EPHB2: variants seen among roughly 807,000 people sequenced by gnomAD.
The protein encoded by EPHB2 is ephrin type-B receptor 2.
EPHB2 carries 18 observed loss-of-function variants against 96.4 expected under a neutral mutation model. That is an observed-to-expected ratio of 0.19 (90% confidence interval 0.13 to 0.28). EPHB2 has a LOEUF of 0.28. Among genes scored for constraint, EPHB2 ranks in the 10% least tolerant of loss-of-function variants. EPHB2 has a pLI of 1.00. For missense variants in EPHB2, 989 were observed against 1,355.4 expected (o/e 0.73, Z 4.25); for synonymous variants, 506 against 534.1 (o/e 0.95, Z 0.72).
rs138384285 is a variant in EPHB2 at position 22,861,490 on chromosome 1, A to C, written c.812-1547A>C. Among the ~76,000 whole-genome samples the C allele has an allele frequency of 4.1e-3, 626 of 152,286 alleles. 2 individuals are homozygous for C. Among genetic ancestry groups the C allele is most frequent in the Middle Eastern group, 0.024 (7 of 294 alleles). On this transcript the variant is annotated intron_variant, in intron 3 of 15. Coordinates refer to ENST00000374630, the MANE Select transcript of EPHB2 (RefSeq NM_017449.5). ...CCCCATCTCTACAAAAATAAAAATA[A>C]AATTAATAACAACAACAAAAGAAGT...
Position 22,784,726 on chromosome 1 carries a change from G to A in EPHB2, c.461G>A (p.Gly154Asp), listed in dbSNP as rs1451521104. 1 of 1,613,110 alleles carries A rather than the reference G, an allele frequency of 6.2e-7. No individual in the cohort carries two copies. Residue 154 changes from glycine (G) to aspartate (D), a missense_variant, in exon 3 of 16, where the codon GGC (glycine) becomes GAC (aspartate). By Grantham distance (94) the Gly-to-Asp change is moderately conservative. Transcript: ENST00000374630. The surrounding 1 kb of genome is among the most constrained non-coding windows in gnomAD (Gnocchi z 5.1). ...DESFSQVDLGGRVMKINTEVR... is the reference protein window; with the variant it reads ...DESFSQVDLGDRVMKINTEVR... The stretch of plus-strand genomic sequence containing the variant: ...AGCTTCTCCCAGGTGGACCTGGGTG[G>A]CCGCGTCATGAAAATCAACACCGAG...
Position 22,873,307 on chromosome 1 carries a change from G to A in EPHB2, c.1303+8095G>A, listed in dbSNP as rs543632472. ...TGACTGCTGTCCACTGGTCTGGAGT[G>A]GCCCTGGAGGGGACAACTGGAGCAA... On this transcript the variant is annotated intron_variant, in intron 5 of 15. Transcript: ENST00000374630. 3.9e-5 allele frequency among the ~76,000 whole-genome samples: 6 copies of A among 152,280 alleles called. No individual in the cohort carries two copies. The East Asian group carries it at 7.7e-4, about 20-fold the overall frequency.
In EPHB2 at chr1:22,895,376, T is replaced by A. The variant is rs141297397; in HGVS notation, c.1592-96T>A. On this transcript the variant is annotated intron_variant, in intron 7 of 15. Coordinates refer to ENST00000374630, the MANE Select transcript of EPHB2 (RefSeq NM_017449.5). ...CAGGGGCAGGAACAGAGTCTAGGGATCCCAGGAGACCCAGCAGCATGGCAG... is the reference window on the plus strand; with the variant it reads ...CAGGGGCAGGAACAGAGTCTAGGGAACCCAGGAGACCCAGCAGCATGGCAG... 1,865 of 1,146,782 alleles carry A rather than the reference T, an allele frequency of 1.6e-3. 21 individuals carry two copies. The African/African-American group carries it at 0.024, about 15-fold the overall frequency. 71.0% of individuals were successfully genotyped at this position (1,146,782 alleles called of 1,614,324 possible).
At chr1:22,716,487 A>G (rs1643298703) in intron 1 of EPHB2, among the ~76,000 whole-genome samples, 1 of 152,002 alleles carries the variant, frequency 6.6e-6, no homozygotes, top group African/African-American at 2.4e-5. Context: ...ATGTGCCACT[A>G]CACCCGGCTA....
intron 3 of EPHB2, among the ~76,000 whole-genome samples, chr1:22,821,443 A>G (rs778423317): frequency 6.6e-6 from 1 of 152,222 alleles, no homozygotes; most frequent in Non-Finnish European, 1.5e-5. Flanking sequence ...GCAGTCTAGT[A>G]AGTCATCAAA....
chr1:22,867,890 A>C (rs1033933418), intron 5 of EPHB2, among the ~76,000 whole-genome samples: 8 of 152,236 alleles, frequency 5.3e-5, no homozygotes, highest in African/African-American at 9.6e-5. Flanking sequence ...AGAAAAAAAA[A>C]GTCAACAAGT....
At chr1:22,816,073 C>T (rs1469372675) in intron 3 of EPHB2, among the ~76,000 whole-genome samples, 1 of 152,168 alleles carries the variant, frequency 6.6e-6, no homozygotes, top group Non-Finnish European at 1.5e-5. Flanking sequence ...TACAATGGGA[C>T]TTAGACCACC....
chr1:22,890,229 G>A (rs1639348322), intron 6 of EPHB2, among the ~76,000 whole-genome samples: 1 of 152,166 alleles, frequency 6.6e-6, no homozygotes, highest in African/African-American at 2.4e-5. Context: ...TGGAAGTTGA[G>A]GGGGCATAGC....
intron 1 of EPHB2, among the ~76,000 whole-genome samples, chr1:22,729,501 A>G (rs1484287266): frequency 1.3e-5 from 2 of 151,868 alleles, no homozygotes; most frequent in Non-Finnish European, 2.9e-5. Flanking sequence ...CTTCCTGCCT[A>G]CTCTGCCTAA....
chr1:22,885,758 T>A (rs1023662039), intron 6 of EPHB2, among the ~76,000 whole-genome samples: 7 of 41,302 alleles, frequency 1.7e-4, no homozygotes, highest in African/African-American at 3.7e-4. Context: ...ATGGAGAACG[T>A]TTAGGCATAA....
At chr1:22,837,750 G>A (rs968270447) in intron 3 of EPHB2, among the ~76,000 whole-genome samples, 2 of 152,098 alleles carry the variant, frequency 1.3e-5, no homozygotes, top group Admixed American at 1.3e-4. Context: ...CAACAGACCG[G>A]CAGCCTGAGA....
intron 3 of EPHB2, among the ~76,000 whole-genome samples, chr1:22,807,235 G>T (rs1570314509): frequency 6.6e-6 from 1 of 152,176 alleles, no homozygotes; most frequent in African/African-American, 2.4e-5. Context: ...GGCACTGTAG[G>T]GTGTAGATGC....
intron 3 of EPHB2, among the ~76,000 whole-genome samples, chr1:22,823,128 C>T (rs1232440060): frequency 6.6e-6 from 1 of 152,214 alleles, no homozygotes; most frequent in African/African-American, 2.4e-5. Flanking sequence ...ATCCCCTGCA[C>T]ACATCAGGCT....
intron 3 of EPHB2, among the ~76,000 whole-genome samples, chr1:22,818,777 C>T (rs1557693676): frequency 6.6e-6 from 1 of 152,182 alleles, no homozygotes; most frequent in Non-Finnish European, 1.5e-5. Flanking sequence ...TTTGACGTCA[C>T]CTCCAAGAAT....
At chr1:22,901,869 A>T (rs1639763399) in intron 9 of EPHB2, among the ~76,000 whole-genome samples, 1 of 149,892 alleles carries the variant, frequency 6.7e-6, no homozygotes, top group Non-Finnish European at 1.5e-5. Context: ...CTTTGTCACC[A>T]CACTGGAGTG....
At chr1:22,817,573 G>A (rs1645092949) in intron 3 of EPHB2, among the ~76,000 whole-genome samples, 1 of 152,234 alleles carries the variant, frequency 6.6e-6, no homozygotes, top group South Asian at 2.1e-4. Flanking sequence ...TTTGGGCACA[G>A]GGGTCTTCAG....
intron 6 of EPHB2, among the ~76,000 whole-genome samples, chr1:22,883,444 T>C (rs1639115358): frequency 6.6e-6 from 1 of 152,210 alleles, no homozygotes; most frequent in Non-Finnish European, 1.5e-5. Flanking sequence ...TTCTCTTACC[T>C]GCTCCAGGAG....
intron 8 of EPHB2, 97 bp from the exon 9 acceptor site, chr1:22,896,317 T>C (rs1639560422): frequency 1.3e-6 from 2 of 1,532,082 alleles, no homozygotes; most frequent in African/African-American, 2.7e-5. Flanking sequence ...GGGGTGTGGC[T>C]TCTAGGGCCT....
At chr1:22,803,645 GTA>G (rs1237501755) in intron 3 of EPHB2, among the ~76,000 whole-genome samples, 34 of 3,438 alleles carry the variant, frequency 9.9e-3, no homozygotes, top group Admixed American at 0.018. Context: ...ATATATATGT[GTA>G]TATATATATA....
Sources: gnomAD v4.1 joint callset for allele counts (sites outside exome capture counted in the v4.1 genomes callset) on GRCh38, gnomAD v4.1.1 for gene constraint, Gnocchi (gnomAD v3.1) non-coding constraint, MANE v1.5 for transcripts, NCBI Gene and HGNC (gene_info 2026-07-23, HGNC 2026-07-21) for gene names.